KCNMB2: variants seen among roughly 807,000 people sequenced by gnomAD.
KCNMB2 encodes the protein potassium calcium-activated channel subfamily M regulatory beta subunit 2.
Under a neutral mutation model 24.5 loss-of-function variants are expected in KCNMB2, and 9 were observed. The observed-to-expected ratio is 0.37, with a 90% confidence interval of 0.22 to 0.64. KCNMB2 has a LOEUF of 0.64. KCNMB2 is among the 30% of genes least tolerant of loss of function. The pLI, the probability that KCNMB2 is intolerant of heterozygous loss-of-function variation, is 0.63. For synonymous variants in KCNMB2, 109 were observed against 104.4 expected (o/e 1.04, Z -0.27); for missense variants, 226 against 284.3 (o/e 0.79, Z 1.47).
At chr3:178,668,129 C>T (rs4129414) in intron 1 of KCNMB2, among the ~76,000 whole-genome samples, 99,498 of 152,036 alleles carry the variant, frequency 0.65, 33,119 homozygotes, top group African/African-American at 0.8. Flanking sequence ...TATTCACCCA[C>T]GGAACATGTA....
chr3:178,650,149 G>C (rs545441812), intron 1 of KCNMB2, among the ~76,000 whole-genome samples: 11 of 152,202 alleles, frequency 7.2e-5, no homozygotes, highest in Admixed American at 3.3e-4. Flanking sequence ...GTAGTTGTAT[G>C]GTTTTGAGTG....
chr3:178,598,047 C>A (rs1410478658), intron 1 of KCNMB2, among the ~76,000 whole-genome samples: 27 of 144,482 alleles, frequency 1.9e-4, no homozygotes, highest in Non-Finnish European at 2.7e-4. Flanking sequence ...GACAAAAAAA[C>A]AAAACAAAAA....
intron 1 of KCNMB2, among the ~76,000 whole-genome samples, chr3:178,662,025 A>G (rs1720550544): frequency 6.6e-6 from 1 of 152,186 alleles, no homozygotes; most frequent in Non-Finnish European, 1.5e-5. Flanking sequence ...GAAATTAAAC[A>G]ATCTGCTATG....
intron 1 of KCNMB2, among the ~76,000 whole-genome samples, chr3:178,628,232 C>G (rs1194791183): frequency 6.6e-6 from 1 of 152,144 alleles, no homozygotes; most frequent in Non-Finnish European, 1.5e-5. Flanking sequence ...TAGGATTCTG[C>G]TTCAATGCTA....
At chr3:178,594,995 C>A (rs148836294) in intron 1 of KCNMB2, among the ~76,000 whole-genome samples, 98 of 138,704 alleles carry the variant, frequency 7.1e-4, no homozygotes, top group Admixed American at 1.9e-3. Flanking sequence ...ATACAATTAT[C>A]TGTTTGAATA....
rs1336747413 is a variant in KCNMB2 at position 178,758,370 on chromosome 3, A to C, written c.-67-48973A>C. Among the ~76,000 whole-genome samples, 108 of 22,472 alleles carry C rather than the reference A, an allele frequency of 4.8e-3. 12 individuals are homozygous for C. Among genetic ancestry groups the C allele is most frequent in the Non-Finnish European group, 5.8e-3 (90 of 15,572 alleles). 14.7% of individuals were successfully genotyped at this position (22,472 alleles called of 152,430 possible). On this transcript the variant is annotated intron_variant, in intron 1 of 4. Coordinates refer to ENST00000452583, the MANE Select transcript of KCNMB2 (RefSeq NM_181361.3). ...GATATATATATATATATATATATAT[A>C]TCTCCAAGAGGGGATACATATATAT...
Position 178,710,668 on chromosome 3 carries a change from G to A in KCNMB2, c.-67-96675G>A, listed in dbSNP as rs545625185. 5.3e-5 allele frequency among the ~76,000 whole-genome samples: 8 copies of A among 152,212 alleles called. No individual in the cohort carries two copies. In the South Asian group the frequency reaches 6.2e-4, roughly 12 times the overall value. The stretch of plus-strand genomic sequence containing the variant: ...TGTGTGTGCGTGTCTCTGTGTATAG[G>A]AGGAGGCCAAAGAAAAGCCATTATG... On this transcript the variant is annotated intron_variant, in intron 1 of 4. Transcript: ENST00000452583.
chr3:178,694,966 C>T (rs1251181098), intron 1 of KCNMB2, among the ~76,000 whole-genome samples: 1 of 152,224 alleles, frequency 6.6e-6, no homozygotes, highest in Non-Finnish European at 1.5e-5. Context: ...CCCAGATTTC[C>T]CTTCTGCACT....
At chr3:178,619,584 C>A (rs924866915) in intron 1 of KCNMB2, among the ~76,000 whole-genome samples, 1 of 151,904 alleles carries the variant, frequency 6.6e-6, no homozygotes, top group African/African-American at 2.4e-5. Flanking sequence ...AAAACCGAGG[C>A]CCAAAGATAT....
chr3:178,610,118 T>A (rs944774474), intron 1 of KCNMB2, among the ~76,000 whole-genome samples: 4 of 152,234 alleles, frequency 2.6e-5, no homozygotes, highest in African/African-American at 9.6e-5. Context: ...GTTCTCTATG[T>A]TGTTCCATTG....
chr3:178,601,254 T>G (rs1368654364), intron 1 of KCNMB2, among the ~76,000 whole-genome samples: 2 of 151,874 alleles, frequency 1.3e-5, no homozygotes, highest in African/African-American at 2.4e-5. Context: ...AGATGACAGG[T>G]TGATGGGTGC....
intron 1 of KCNMB2, among the ~76,000 whole-genome samples, chr3:178,600,915 G>A (rs1479356565): frequency 6.6e-6 from 1 of 152,106 alleles, no homozygotes; most frequent in Non-Finnish European, 1.5e-5. Context: ...CACTCCAACA[G>A]TGTAAAAGCA....
rs1715529767 is a variant in KCNMB2, at chr3:178,844,289, T to A, written c.*1352T>A. Reference sequence around the variant, plus strand: ...AAAATTTTACAAATCATTTGTGGAATGAATGGTAAAACTAATCTGATGAAA... The same window carrying A: ...AAAATTTTACAAATCATTTGTGGAAAGAATGGTAAAACTAATCTGATGAAA... On this transcript the variant is annotated 3_prime_UTR_variant, in exon 5 of 5. Coordinates refer to ENST00000452583, the MANE Select transcript of KCNMB2 (RefSeq NM_181361.3). The A allele has an allele frequency of 6.6e-6, 1 of 152,516 alleles. No homozygotes were observed. The highest frequency in any genetic ancestry group is 1.5e-5 in the Non-Finnish European group (1 of 67,952). The allele number at this position is 152,516 out of a possible 1,614,324, so 9.4% of individuals were successfully genotyped here. A position where few individuals can be genotyped will look rare whatever the true frequency, so the allele number is the denominator to read the frequency against.
At chr3:178,756,154 A>T (rs2108394364) in intron 1 of KCNMB2, among the ~76,000 whole-genome samples, 2 of 152,272 alleles carry the variant, frequency 1.3e-5, no homozygotes, top group Middle Eastern at 6.8e-3. Context: ...TGTGAAAAGC[A>T]TGATCCCATT....
chr3:178,616,577 T>G (rs1405299068), intron 1 of KCNMB2, among the ~76,000 whole-genome samples: 1 of 152,200 alleles, frequency 6.6e-6, no homozygotes, highest in Non-Finnish European at 1.5e-5. Context: ...CAGAACTGTT[T>G]TTTTCTTTTC....
At chr3:178,614,247 T>TTATATATA (rs776751246) in intron 1 of KCNMB2, among the ~76,000 whole-genome samples, 645 of 53,178 alleles carry the variant, frequency 0.012, 8 homozygotes, top group Non-Finnish European at 0.017. Context: ...TGGGCTAATT[T>TTATATATA]TATATATATA....
intron 1 of KCNMB2, among the ~76,000 whole-genome samples, chr3:178,621,913 G>C (rs1353255115): frequency 2.0e-5 from 3 of 152,140 alleles, no homozygotes; most frequent in Non-Finnish European, 4.4e-5. Flanking sequence ...GTGATTATTA[G>C]GTTAAGCATA....
At chr3:178,671,720 C>T (rs563406374) in intron 1 of KCNMB2, among the ~76,000 whole-genome samples, 24 of 152,268 alleles carry the variant, frequency 1.6e-4, no homozygotes, top group African/African-American at 5.8e-4. Context: ...CCTTGCTTCC[C>T]TGAAAACAAA....
intron 1 of KCNMB2, among the ~76,000 whole-genome samples, chr3:178,804,076 C>T (rs1713872355): frequency 1.3e-5 from 2 of 152,264 alleles, no homozygotes; most frequent in East Asian, 1.9e-4. Context: ...CCTCACTGCC[C>T]ACAGCTCTGT....
Sources: gnomAD v4.1 joint callset for allele counts (sites outside exome capture counted in the v4.1 genomes callset) on GRCh38, gnomAD v4.1.1 for gene constraint, MANE v1.5 for transcripts, NCBI Gene and HGNC (gene_info 2026-07-23, HGNC 2026-07-21) for gene names.